The following MICAL3 variants were observed in gnomAD, a reference collection of about 807,000 sequenced individuals.
The protein encoded by MICAL3 is microtubule associated monooxygenase, calponin and LIM domain containing 3.
MICAL3 carries 62 observed loss-of-function variants against 207.4 expected under a neutral mutation model. The observed-to-expected ratio is 0.30, with a 90% CI of 0.24 to 0.37. The LOEUF is 0.37. MICAL3 is among the 10% of genes least tolerant of loss of function. The pLI, the probability that MICAL3 is intolerant of heterozygous loss-of-function variation, is 1.00. For missense variants in MICAL3, 2,368 were observed against 2,635.6 expected (o/e 0.90, Z 2.22); for synonymous variants, 1,077 against 1,069.3 (o/e 1.01, Z -0.14).
chr22:17,810,112 G>A (rs1424926860), intron 28 of MICAL3, among the ~76,000 whole-genome samples: 3 of 149,372 alleles, frequency 2.0e-5, no homozygotes, highest in Admixed American at 1.3e-4. Context: ...GCCTAGGCTG[G>A]GGTGCAGTGG....
intron 17 of MICAL3, among the ~76,000 whole-genome samples, chr22:17,866,912 T>C (rs1927220284): frequency 6.6e-6 from 1 of 152,238 alleles, no homozygotes; most frequent in Admixed American, 6.5e-5. Context: ...CTGACGACTT[T>C]TGAATCTCAA....
chr22:17,795,003 A>G (rs186623110), intron 29 of MICAL3, among the ~76,000 whole-genome samples: 35 of 152,306 alleles, frequency 2.3e-4, no homozygotes, highest in African/African-American at 7.9e-4. Context: ...CAAGACAAAG[A>G]GCTGGCTGAG....
chr22:18,022,873 A>G (rs1231227479), intron 1 of MICAL3, among the ~76,000 whole-genome samples: 1 of 152,184 alleles, frequency 6.6e-6, no homozygotes, highest in Non-Finnish European at 1.5e-5. Flanking sequence ...CAGACTTGCA[A>G]AGGTATGCAT....
intron 16 of MICAL3, chr22:17,876,944 T>G (rs35452607): frequency 5.4e-4 from 50 of 92,118 alleles, no homozygotes; most frequent in Non-Finnish European, 8.1e-4. Context: ...TTAGGGAGGT[T>G]ATGGAGGTTA....
chr22:18,000,626 T>A (rs1448157541), intron 1 of MICAL3, among the ~76,000 whole-genome samples: 1 of 152,022 alleles, frequency 6.6e-6, no homozygotes, highest in Admixed American at 6.5e-5. Flanking sequence ...CTCAAGATGG[T>A]TTCTTAGCTG....
At chr22:18,012,337 G>A (rs5992966) in intron 1 of MICAL3, among the ~76,000 whole-genome samples, 5,610 of 152,298 alleles carry the variant, frequency 0.037, 353 homozygotes, top group African/African-American at 0.13. Context: ...GCTGGCAGCT[G>A]GCAGTCATCA....
rs140048259 is a variant in MICAL3, at chr22:17,987,210, C to T, written c.-75+37071G>A. On this transcript the variant is annotated intron_variant, in intron 1 of 31. Transcript: ENST00000441493. ...GAGCTATGATCATGCCACCGCACTC[C>T]AGCCTGGGTGACAGAGCAAGACCCT... is the stretch of plus-strand genomic sequence containing the variant. 5.7e-3 allele frequency among the ~76,000 whole-genome samples: 874 copies of T among 152,250 alleles called. 4 individuals carry two copies. Among genetic ancestry groups the T allele is most frequent in the Non-Finnish European group, 0.01 (708 of 68,018 alleles).
At chr22:17,906,919 TTC>T (rs1162782957) in intron 1 of MICAL3, 33 bp from the exon 2 acceptor site, 1 of 1,127,320 alleles carries the variant, frequency 8.9e-7, no homozygotes, top group African/African-American at 1.6e-5. Flanking sequence ...TGGTTAGCAT[TTC>T]TCTGTCTACA....
intron 19 of MICAL3, among the ~76,000 whole-genome samples, chr22:17,843,058 T>C (rs1326391449): frequency 1.4e-5 from 2 of 143,454 alleles, no homozygotes; most frequent in Middle Eastern, 3.6e-3. Flanking sequence ...GAGGCGGAGC[T>C]TGCAGTGAAC....
intron 1 of MICAL3, among the ~76,000 whole-genome samples, chr22:17,988,026 A>C (rs1406915169): frequency 1.3e-5 from 2 of 152,180 alleles, no homozygotes; most frequent in Non-Finnish European, 2.9e-5. Context: ...CCTGCTGCCC[A>C]GAACACCCGA....
At chr22:17,882,095 C>T (rs190110983) in intron 16 of MICAL3, among the ~76,000 whole-genome samples, 7 of 152,278 alleles carry the variant, frequency 4.6e-5, no homozygotes, top group Admixed American at 2.6e-4. Flanking sequence ...GAAACAGCCC[C>T]GTACTCGCTC....
chr22:17,821,304 G>T, intron 25 of MICAL3, 123 bp downstream of exon 25: 1 of 757,250 alleles, frequency 1.3e-6, no homozygotes, highest in Non-Finnish European at 2.1e-6. Context: ...GAGGAGGCCA[G>T]CAGGCTATGT....
intron 1 of MICAL3, among the ~76,000 whole-genome samples, chr22:17,995,793 C>T (rs996027882): frequency 2.0e-5 from 3 of 151,872 alleles, no homozygotes; most frequent in South Asian, 2.1e-4. Context: ...ACAGGCATGA[C>T]CCACCACACC....
At chr22:17,970,633 T>C (rs534345920) in intron 1 of MICAL3, among the ~76,000 whole-genome samples, 1 of 152,326 alleles carries the variant, frequency 6.6e-6, no homozygotes, top group South Asian at 2.1e-4. Flanking sequence ...CACCACTTCC[T>C]ATGTTCCCTC....
chr22:17,852,778 T>C (rs1187064368), intron 19 of MICAL3, among the ~76,000 whole-genome samples: 6 of 152,084 alleles, frequency 3.9e-5, no homozygotes, highest in Non-Finnish European at 8.8e-5. Flanking sequence ...GAGTTGAAAA[T>C]TTAGCTTAAT....
intron 1 of MICAL3, among the ~76,000 whole-genome samples, chr22:17,911,826 T>C (rs970711680): frequency 6.6e-6 from 1 of 152,102 alleles, no homozygotes; most frequent in South Asian, 2.1e-4. Flanking sequence ...AGCAAGATCC[T>C]GTCTCAAAAA....
intron 19 of MICAL3, among the ~76,000 whole-genome samples, chr22:17,859,819 C>T (rs922717365): frequency 6.6e-6 from 1 of 152,138 alleles, no homozygotes; most frequent in Non-Finnish European, 1.5e-5. Flanking sequence ...CATTTCTACC[C>T]CTCCATCCGC....
intron 1 of MICAL3, among the ~76,000 whole-genome samples, chr22:17,965,905 C>T (rs769961702): frequency 1.3e-4 from 20 of 152,216 alleles, no homozygotes; most frequent in Admixed American, 4.6e-4. Context: ...CTTTTCACTA[C>T]ACTGCACTCG....
intron 19 of MICAL3, among the ~76,000 whole-genome samples, chr22:17,853,514 A>T (rs1212298277): frequency 6.6e-6 from 1 of 152,228 alleles, no homozygotes; most frequent in African/African-American, 2.4e-5. Flanking sequence ...CTTGCCAATG[A>T]CAATCACATT....
Sources: allele counts gnomAD v4.1 joint callset (sites outside exome capture counted in the v4.1 genomes callset), GRCh38; gene constraint gnomAD v4.1.1; transcripts MANE v1.5; gene names NCBI Gene and HGNC (gene_info 2026-07-23, HGNC 2026-07-21).